Variants in ELFN2 observed in about 807,000 individuals in gnomAD.
The protein encoded by ELFN2 is protein phosphatase 1 regulatory subunit 29.
Under a neutral mutation model 45.5 loss-of-function variants are expected in ELFN2, and 17 were observed. The observed-to-expected ratio is 0.37, with a 90% CI of 0.26 to 0.56. ELFN2 has a LOEUF of 0.56. Ranked by LOEUF, ELFN2 falls within the 20% of genes least tolerant of loss-of-function variation. The pLI is 0.77. For synonymous variants in ELFN2, 550 were observed against 551.5 expected (o/e 1.00, Z 0.04); for missense variants, 922 against 1,183.2 (o/e 0.78, Z 3.24).
chr22:37,426,235 T>A (rs958128211), intron 1 of ELFN2, among the ~76,000 whole-genome samples: 2 of 152,098 alleles, frequency 1.3e-5, no homozygotes, highest in African/African-American at 4.8e-5. Context: ...CCCAGCTGAG[T>A]GCACGGTCAG....
chr22:37,371,165 G>T lies in ELFN2; in HGVS notation c.*1907C>A. 1 of 152,656 alleles carries T rather than the reference G, an allele frequency of 6.6e-6. No homozygotes were observed. The highest frequency in any genetic ancestry group is 1.5e-5 in the Non-Finnish European group (1 of 68,106). The allele number at this position is 152,656 out of a possible 1,614,324, so 9.5% of individuals were successfully genotyped here. The stretch of plus-strand genomic sequence containing the variant: ...AGCCCGAGCCTCCTAGCCCTCTGCT[G>T]TCCTCCCTCACCCCCTGCCCCCAGC... On this transcript the variant is annotated 3_prime_UTR_variant, in exon 3 of 3. Transcript: ENST00000402918. This position sits in a 1 kb window ranked among gnomAD's most constrained non-coding sequence, Gnocchi z 6.4.
chr22:37,351,759 C>T (rs1169779458), intron 1 of ELFN2, among the ~76,000 whole-genome samples: 4 of 151,028 alleles, frequency 2.6e-5, no homozygotes, highest in South Asian at 2.1e-4. Context: ...CCAGACCTGT[C>T]AGCTTTCCAG....
At chr22:37,400,108 GGCAAGGGAGT>G (rs1932325904) in intron 2 of ELFN2, among the ~76,000 whole-genome samples, 1 of 152,130 alleles carries the variant, frequency 6.6e-6, no homozygotes, top group South Asian at 2.1e-4. Flanking sequence ...AACCGGGAGG[GGCAAGGGAGT>G]GCAAGGGAGA....
intron 2 of ELFN2, among the ~76,000 whole-genome samples, chr22:37,403,124 T>C (rs1045640525): frequency 2.0e-5 from 3 of 152,054 alleles, no homozygotes; most frequent in Admixed American, 6.5e-5. Flanking sequence ...GAGGCCACTT[T>C]CATTCTTCCC....
At chr22:37,382,340 G>C (rs949100786) in intron 2 of ELFN2, among the ~76,000 whole-genome samples, 5 of 151,964 alleles carry the variant, frequency 3.3e-5, no homozygotes, top group African/African-American at 1.2e-4. Flanking sequence ...TGCCTCCCAG[G>C]TTCAAGTGAT....
At position 37,375,164 on chromosome 22, in the gene ELFN2, C is replaced by T. The variant is rs750035846; in HGVS notation, c.371G>A (p.Arg124Gln). Residue 124 changes from arginine (R) to glutamine (Q), a missense_variant, in exon 3 of 3, where the codon CGA (arginine) becomes CAA (glutamine). Transcript: ENST00000402918. ...GAGGAACTGCAGGCGGCTCATGCCT[C>T]GCAGCATGCCCTCCGTCAGGTTGCT... ...KLSNLTEGML[R>Q]GMSRLQFLFV... 3.7e-6 allele frequency: 6 copies of T among 1,614,004 alleles called. No homozygotes were observed. Among genetic ancestry groups the T allele is most frequent in the Admixed American group, 1.7e-5 (1 of 60,028 alleles).
At chr22:37,401,658 C>A (rs978452346) in intron 2 of ELFN2, among the ~76,000 whole-genome samples, 6 of 152,192 alleles carry the variant, frequency 3.9e-5, no homozygotes, top group African/African-American at 1.2e-4. Context: ...CTGCCTAATG[C>A]GAGCCTGGGG....
intron 2 of ELFN2, among the ~76,000 whole-genome samples, chr22:37,341,899 G>A (rs1317941827): frequency 6.6e-6 from 1 of 152,160 alleles, no homozygotes; most frequent in Non-Finnish European, 1.5e-5. Context: ...CCCACAGGCA[G>A]GTCGCTACCA....
rs73884006 is a variant in ELFN2, at chr22:37,368,383, G to A, written c.*4689C>T. On this transcript the variant is annotated 3_prime_UTR_variant, in exon 3 of 3. Transcript: ENST00000402918. ...TGGAGTGGCAGAGGGGCAGAGGAAG[G>A]AGGAGCAGGCCCAGACCATCCTGCC... 0.023 allele frequency: 3,435 copies of A among 152,542 alleles called. 63 individuals carry two copies. The highest frequency in any genetic ancestry group is 0.084 in the Middle Eastern group (25 of 296). 9.4% of individuals were successfully genotyped at this position (152,542 alleles called of 1,614,324 possible). A position where few individuals can be genotyped will look rare whatever the true frequency, so the allele number is the denominator to read the frequency against.
intron 2 of ELFN2, among the ~76,000 whole-genome samples, chr22:37,397,450 C>T (rs543036625): frequency 1.8e-3 from 281 of 152,370 alleles, no homozygotes; most frequent in Non-Finnish European, 3.0e-3. Context: ...CCAGCTCCTT[C>T]TGGCTGCTGT....
intron 1 of ELFN2, among the ~76,000 whole-genome samples, chr22:37,347,128 G>A (rs772892440): frequency 2.0e-5 from 3 of 152,038 alleles, no homozygotes; most frequent in Non-Finnish European, 1.5e-5. Context: ...TCAGGTGTGC[G>A]CCATTACGCC....
rs375431889 is a variant in ELFN2, at chr22:37,422,949, G to T, written c.-614+4349C>A. On this transcript the variant is annotated intron_variant, in intron 1 of 2. Coordinates refer to ENST00000402918, the MANE Select transcript of ELFN2 (RefSeq NM_052906.5). ...TATTGAGGAAACTGGGCCTCGGGGG[G>T]GGGGGGGGAAGTGACTTGCCCAGGA... Among the ~76,000 whole-genome samples, 85 of 149,002 alleles carry T rather than the reference G, an allele frequency of 5.7e-4. 2 individuals are homozygous for T. Among genetic ancestry groups the T allele is most frequent in the Admixed American group, 2.2e-3 (33 of 15,070 alleles).
intron 2 of ELFN2, among the ~76,000 whole-genome samples, chr22:37,381,275 C>T (rs1931754921): frequency 6.6e-6 from 1 of 151,868 alleles, no homozygotes; most frequent in African/African-American, 2.4e-5. Context: ...GGGACCATGG[C>T]AGGGGCGGGA....
intron 2 of ELFN2, among the ~76,000 whole-genome samples, chr22:37,401,346 G>A (rs924555777): frequency 4.6e-5 from 7 of 152,200 alleles, no homozygotes; most frequent in African/African-American, 1.7e-4. Flanking sequence ...GAGGCCCAGA[G>A]AGCCAAAGCA....
chr22:37,398,659 C>T (rs1280983345), intron 2 of ELFN2, among the ~76,000 whole-genome samples: 2 of 152,190 alleles, frequency 1.3e-5, no homozygotes, highest in Non-Finnish European at 2.9e-5. Flanking sequence ...GTTTAGGCCC[C>T]TCATGATCTG....
At chr22:37,366,360 A>G (rs1931206664), downstream of ELFN2, among the ~76,000 whole-genome samples, 2 of 152,340 alleles carry the variant, frequency 1.3e-5, no homozygotes, top group South Asian at 4.1e-4. Flanking sequence ...GCCATCCCGG[A>G]GGACACTTCC....
chr22:37,404,255 G>A (rs549389613), intron 2 of ELFN2, among the ~76,000 whole-genome samples: 35 of 152,336 alleles, frequency 2.3e-4, no homozygotes, highest in Admixed American at 1.7e-3. Flanking sequence ...CATCGGAGGG[G>A]CGGGAATGGC....
intron 2 of ELFN2, among the ~76,000 whole-genome samples, chr22:37,390,911 G>A (rs1339929282): frequency 2.6e-5 from 4 of 152,352 alleles, no homozygotes; most frequent in East Asian, 1.9e-4. Flanking sequence ...CCTGGGAGAA[G>A]AGAAGGATGT....
chr22:37,404,140 C>G (rs1932437626), intron 2 of ELFN2, among the ~76,000 whole-genome samples: 1 of 152,194 alleles, frequency 6.6e-6, no homozygotes, highest in Non-Finnish European at 1.5e-5. Context: ...AGCCCCGAGG[C>G]CGAGCCAACT....
Sources: gnomAD v4.1 joint callset for allele counts (sites outside exome capture counted in the v4.1 genomes callset) on GRCh38, gnomAD v4.1.1 for gene constraint, Gnocchi (gnomAD v3.1) non-coding constraint, MANE v1.5 for transcripts, NCBI Gene and HGNC (gene_info 2026-07-23, HGNC 2026-07-21) for gene names.